The following FRAS1 variants were observed in gnomAD, a reference collection of about 807,000 sequenced individuals.
FRAS1 encodes the protein Fraser extracellular matrix complex subunit 1, also known as extracellular matrix organizing protein FRAS1.
A neutral mutation model predicts 435.2 loss-of-function variants in FRAS1; 290 were observed. That is an observed-to-expected ratio of 0.67 (90% CI 0.61 to 0.73). The LOEUF (loss-of-function observed/expected upper bound fraction) is 0.73, where lower values mean the gene tolerates loss of function less well. Ranked by LOEUF, FRAS1 falls within the 30% of genes least tolerant of loss-of-function variation. FRAS1 has a pLI of 0.00. For missense variants in FRAS1, 4,860 were observed against 5,001.5 expected, an observed-to-expected ratio of 0.97 and a Z score of 0.85; for synonymous variants, 1,800 against 1,851.0, an observed-to-expected ratio of 0.97 and a Z score of 0.71.
At chr4:78,433,943 A>G (rs1308476104) in intron 38 of FRAS1, among the ~76,000 whole-genome samples, 1 of 152,242 alleles carries the variant, frequency 6.6e-6, no homozygotes, top group Admixed American at 6.5e-5. Flanking sequence ...TTTACCCACC[A>G]GAGCAGAAAA....
intron 2 of FRAS1, among the ~76,000 whole-genome samples, chr4:78,198,311 A>G (rs946775990): frequency 6.6e-6 from 1 of 152,138 alleles, no homozygotes; most frequent in Non-Finnish European, 1.5e-5. Context: ...TTTTCCTTTT[A>G]GAGGTCCCGT....
At chr4:78,060,262 T>G (rs1739696799) in intron 1 of FRAS1, among the ~76,000 whole-genome samples, 2 of 152,168 alleles carry the variant, frequency 1.3e-5, no homozygotes, top group Admixed American at 6.5e-5. Flanking sequence ...CTTTAAAAAA[T>G]AAGAGCATTG....
At chr4:78,509,560 T>C (rs1219412203) in intron 63 of FRAS1, among the ~76,000 whole-genome samples, 1 of 152,148 alleles carries the variant, frequency 6.6e-6, no homozygotes, top group African/African-American at 2.4e-5. Flanking sequence ...AAGAATAGAA[T>C]GGTTGCTGAA....
chr4:78,198,956 G>T (rs1413035991), intron 2 of FRAS1, among the ~76,000 whole-genome samples: 1 of 152,170 alleles, frequency 6.6e-6, no homozygotes, highest in Non-Finnish European at 1.5e-5. Flanking sequence ...TCAGTAAGAT[G>T]TCCAGTCAAC....
chr4:78,119,750 G>C (rs898713978), intron 2 of FRAS1, among the ~76,000 whole-genome samples: 2 of 152,234 alleles, frequency 1.3e-5, no homozygotes, highest in African/African-American at 4.8e-5. Context: ...AATTCAGCGA[G>C]ATGAGGGAGG....
At chr4:78,440,230 C>T (rs910334935) in intron 40 of FRAS1, among the ~76,000 whole-genome samples, 2 of 151,644 alleles carry the variant, frequency 1.3e-5, no homozygotes, top group African/African-American at 4.8e-5. Flanking sequence ...GACGGGGTTT[C>T]ACCTTGTTAG....
chr4:78,496,801 C>G lies in FRAS1; in HGVS notation c.8959-4C>G. ...TTTAATCTGTCTTGTGCCATTGGCT[C>G]TAGGTGAAGAACTGTACGGTCTATA... On this transcript the variant is annotated splice_polypyrimidine_tract_variant and splice_region_variant and intron_variant, in intron 59 of 73. Transcript: ENST00000512123. The G allele has an allele frequency of 6.2e-7, 1 of 1,610,174 alleles. No individual in the cohort carries two copies. The highest frequency in any genetic ancestry group is 8.5e-7 in the Non-Finnish European group (1 of 1,178,564).
At chr4:78,530,769 G>A (rs573613123) in intron 70 of FRAS1, among the ~76,000 whole-genome samples, 1 of 152,280 alleles carries the variant, frequency 6.6e-6, no homozygotes, top group African/African-American at 2.4e-5. Context: ...AAGTCAGGTA[G>A]CATGATGCCT....
chr4:78,370,473 C>T (rs72867927), intron 23 of FRAS1, among the ~76,000 whole-genome samples: 1,586 of 152,202 alleles, frequency 0.01, 18 homozygotes, highest in African/African-American at 0.034. Context: ...ACAGTGCAAC[C>T]GTAGGTTGAA....
chr4:78,258,614 G>A (rs1333329136), intron 6 of FRAS1, among the ~76,000 whole-genome samples: 9 of 45,622 alleles, frequency 2.0e-4, no homozygotes, highest in Non-Finnish European at 3.4e-4. Flanking sequence ...CTTGTGGGAT[G>A]TTTCTTTTCT....
chr4:78,308,283 T>C (rs895178198), intron 15 of FRAS1, 74 bp downstream of exon 15: 55 of 1,425,334 alleles, frequency 3.9e-5, no homozygotes, highest in Middle Eastern at 2.1e-4. Context: ...ATTCAAATCA[T>C]AGCACATTAC....
rs72864590 is a variant in FRAS1, at chr4:78,297,800, G to A, written c.1535-10266G>A. ...AGAAATTATGGTGAAAAGTCAGGGA[G>A]TGACCTCTTATTTTTTATAATAACC... is the stretch of plus-strand genomic sequence containing the variant. On this transcript the variant is annotated intron_variant, in intron 14 of 73. Coordinates refer to ENST00000512123, the MANE Select transcript of FRAS1 (RefSeq NM_025074.7). Among the ~76,000 whole-genome samples, 1,487 of 152,200 alleles carry A rather than the reference G, an allele frequency of 9.8e-3. 16 individuals carry two copies. The highest frequency in any genetic ancestry group is 0.034 in the African/African-American group (1,416 of 41,548).
At chr4:78,122,774 T>A (rs1376876816) in intron 2 of FRAS1, among the ~76,000 whole-genome samples, 1 of 152,232 alleles carries the variant, frequency 6.6e-6, no homozygotes, top group African/African-American at 2.4e-5. Context: ...ATAAATATCT[T>A]CTTTTGAGAA....
chr4:78,185,373 TG>T (rs1423412588), intron 2 of FRAS1, among the ~76,000 whole-genome samples: 3 of 152,220 alleles, frequency 2.0e-5, no homozygotes, highest in Non-Finnish European at 4.4e-5. Flanking sequence ...AGAATTTAGA[TG>T]GAATGTATTT....
chr4:78,538,456 C>G (rs923762629), intron 72 of FRAS1, among the ~76,000 whole-genome samples: 2 of 152,044 alleles, frequency 1.3e-5, no homozygotes, highest in African/African-American at 4.8e-5. Flanking sequence ...CAGTGGGTTC[C>G]CAGAGTTAGT....
chr4:78,454,680 G>A (rs376582806), intron 47 of FRAS1, among the ~76,000 whole-genome samples: 3 of 152,172 alleles, frequency 2.0e-5, no homozygotes, highest in Non-Finnish European at 4.4e-5. Context: ...CATCCACACC[G>A]TGCAGAGCCT....
chr4:78,273,001 T>G (rs576345880), intron 9 of FRAS1, among the ~76,000 whole-genome samples: 1 of 152,348 alleles, frequency 6.6e-6, no homozygotes, highest in African/African-American at 2.4e-5. Context: ...ATCAGTGGTT[T>G]GTAGTTCTCC....
intron 2 of FRAS1, among the ~76,000 whole-genome samples, chr4:78,198,499 AAAAG>A (rs1192585969): frequency 2.0e-4 from 30 of 152,354 alleles, no homozygotes; most frequent in African/African-American, 6.5e-4. Flanking sequence ...AACGAAAAGA[AAAAG>A]AAAGAAAGAG....
Position 78,331,118 on chromosome 4 carries a change from C to T in FRAS1, c.2138-2154C>T, listed in dbSNP as rs558923895. On this transcript the variant is annotated intron_variant, in intron 18 of 73. Coordinates refer to ENST00000512123, the MANE Select transcript of FRAS1 (RefSeq NM_025074.7). ...TATGTGAATATCGGGGCAGATTCCC[C>T]GATAATAGGGCTGTTTTATAATCTT... Among the ~76,000 whole-genome samples, 30 of 151,784 alleles carry T rather than the reference C, an allele frequency of 2.0e-4. No individual in the cohort carries two copies. In the South Asian group the frequency reaches 4.6e-3, roughly 23 times the overall value.
Sources: allele counts gnomAD v4.1 joint callset (sites outside exome capture counted in the v4.1 genomes callset), GRCh38; gene constraint gnomAD v4.1.1; transcripts MANE v1.5; gene names NCBI Gene and HGNC (gene_info 2026-07-23, HGNC 2026-07-21).